The following GNG7 variants were observed in gnomAD, a reference collection of about 807,000 sequenced individuals.
The protein encoded by GNG7 is G protein subunit gamma 7.
In GNG7, 1 loss-of-function variant was observed where a neutral mutation model predicts 4.0. That is an observed-to-expected ratio of 0.25 (90% CI 0.09 to 1.18). GNG7 has a LOEUF of 1.18. GNG7 is among the 50% of genes most tolerant of loss of function. The pLI, the probability that GNG7 is intolerant of heterozygous loss-of-function variation, is 0.50. For synonymous variants in GNG7, 34 were observed against 36.9 expected (o/e 0.92, Z 0.29); for missense variants, 86 against 91.9 (o/e 0.94, Z 0.26).
chr19:2,626,240 G>T lies in GNG7; in HGVS notation c.-78+19984C>A, dbSNP rs1982018432. On this transcript the variant is annotated intron_variant, in intron 2 of 4. Coordinates refer to ENST00000382159, the MANE Select transcript of GNG7 (RefSeq NM_052847.3). The surrounding 1 kb of genome is among the most constrained non-coding windows in gnomAD (Gnocchi z 5.0). ...GAAGCTGATGCTGCTCCCGCCCCAG[G>T]CCTGAAGCCGGCCCCCTGCCCCAAA... 6.6e-6 allele frequency among the ~76,000 whole-genome samples: 1 copy of T among 152,132 alleles called. No homozygotes were observed. The highest frequency in any genetic ancestry group is 2.4e-5 in the African/African-American group (1 of 41,418).
rs748695415 is a variant in GNG7, at chr19:2,576,034, GACAC to G, written c.-77-20850_-77-20847del. 1.3e-4 allele frequency among the ~76,000 whole-genome samples: 10 copies of G among 75,666 alleles called. 1 individual carries two copies. Among genetic ancestry groups the G allele is most frequent in the African/African-American group, 4.3e-4 (3 of 6,906 alleles). 49.6% of individuals were successfully genotyped at this position (75,666 alleles called of 152,430 possible). Reference sequence around the variant, plus strand: ...ACGCAGACATGCAGACACACACACAGACACACACAGACACATGCTCACACTCAGG... The same window carrying G: ...ACGCAGACATGCAGACACACACACAGACACAGACACATGCTCACACTCAGG... On this transcript the variant is annotated intron_variant, in intron 2 of 4. Transcript: ENST00000382159.
chr19:2,689,480 G>A (rs567452475), intron 1 of GNG7, among the ~76,000 whole-genome samples: 34 of 151,482 alleles, frequency 2.2e-4, no homozygotes, highest in African/African-American at 6.1e-4. Context: ...AAAAATAGCC[G>A]GGTGTGGTGG....
chr19:2,562,277 TTTCTTTTTC>T (rs1979765743), intron 2 of GNG7, among the ~76,000 whole-genome samples: 3 of 79,370 alleles, frequency 3.8e-5, no homozygotes, highest in Non-Finnish European at 1.1e-4. Flanking sequence ...TTTTCTTTTC[TTTCTTTTTC>T]TTTCTTTTTT....
intron 3 of GNG7, among the ~76,000 whole-genome samples, chr19:2,531,641 G>A (rs1370784271): frequency 6.6e-6 from 1 of 151,446 alleles, no homozygotes; most frequent in Non-Finnish European, 1.5e-5. Context: ...CTTGGTGGCA[G>A]GCACCTGTAG....
chr19:2,607,231 AAG>A (rs1981413683), intron 2 of GNG7, among the ~76,000 whole-genome samples: 1 of 149,250 alleles, frequency 6.7e-6, no homozygotes, highest in Non-Finnish European at 1.5e-5. Context: ...AAAAAAAAAA[AAG>A]AAGGCCAGGT....
chr19:2,527,810 A>T (rs1422190821), intron 3 of GNG7, among the ~76,000 whole-genome samples: 1 of 146,974 alleles, frequency 6.8e-6, no homozygotes, highest in African/African-American at 2.5e-5. Flanking sequence ...AGTCATGACC[A>T]GCACAAATGT....
intron 1 of GNG7, among the ~76,000 whole-genome samples, chr19:2,671,443 T>C (rs1030479126): frequency 6.6e-6 from 1 of 152,048 alleles, no homozygotes; most frequent in African/African-American, 2.4e-5. Flanking sequence ...CAAGGTGACG[T>C]TGTCCGGCCT....
At chr19:2,522,141 G>C (rs917425948) in intron 3 of GNG7, among the ~76,000 whole-genome samples, 2 of 152,118 alleles carry the variant, frequency 1.3e-5, no homozygotes, top group South Asian at 2.1e-4. Flanking sequence ...GCAGGGAGTG[G>C]GTGGAGGCCA....
chr19:2,578,955 C>A (rs970877776), intron 2 of GNG7, among the ~76,000 whole-genome samples: 2 of 152,254 alleles, frequency 1.3e-5, no homozygotes, highest in African/African-American at 4.8e-5. Flanking sequence ...TGGAAAACCA[C>A]CAGCGTGGCC....
At position 2,557,451 on chromosome 19, in the gene GNG7, G is replaced by C. The variant is rs969013109; in HGVS notation, c.-77-2263C>G. On this transcript the variant is annotated intron_variant, in intron 2 of 4. Transcript: ENST00000382159. This position sits in a 1 kb window ranked among gnomAD's most constrained non-coding sequence, Gnocchi z 5.1. ...AAGGTCCTGCTAGTAAACATGCACA[G>C]ACTCAAGAAACGAGGGGCTGCAGGA... is the stretch of plus-strand genomic sequence containing the variant. Among the ~76,000 whole-genome samples, 1 of 152,234 alleles carries C rather than the reference G, an allele frequency of 6.6e-6. No individual in the cohort carries two copies. The highest frequency in any genetic ancestry group is 2.4e-5 in the African/African-American group (1 of 41,462).
intron 2 of GNG7, among the ~76,000 whole-genome samples, chr19:2,644,952 C>T (rs1982625909): frequency 6.6e-6 from 1 of 152,184 alleles, no homozygotes; most frequent in South Asian, 2.1e-4. Context: ...TTCTGAATTA[C>T]CTCTCATGAC....
intron 3 of GNG7, among the ~76,000 whole-genome samples, chr19:2,536,972 A>G (rs892505726): frequency 6.1e-5 from 9 of 148,436 alleles, no homozygotes; most frequent in Non-Finnish European, 1.3e-4. Context: ...TTTGAGACGG[A>G]GTCTCGCTCT....
At chr19:2,642,944 C>G in intron 2 of GNG7, 1 of 453,854 alleles carries the variant, frequency 2.2e-6, no homozygotes, top group Non-Finnish European at 4.4e-6. Flanking sequence ...CCGGGCTCTG[C>G]ACACCTTCTG....
At chr19:2,655,838 G>GAAAAAAAAAAAA (rs56041767) in intron 1 of GNG7, among the ~76,000 whole-genome samples, 3 of 54,756 alleles carry the variant, frequency 5.5e-5, no homozygotes, top group Non-Finnish European at 9.9e-5. Flanking sequence ...GGCTCCGTCT[G>GAAAAAAAAAAAA]AAAAAAAAAA....
intron 2 of GNG7, among the ~76,000 whole-genome samples, chr19:2,628,980 C>T (rs56812321): frequency 1.1e-4 from 16 of 152,144 alleles, no homozygotes; most frequent in Admixed American, 3.9e-4. Flanking sequence ...GGGCACCAGG[C>T]GGTGGGGGTC....
intron 2 of GNG7, among the ~76,000 whole-genome samples, chr19:2,607,758 G>A (rs1981436519): frequency 6.6e-6 from 1 of 152,016 alleles, no homozygotes; most frequent in Non-Finnish European, 1.5e-5. Flanking sequence ...CCTCCCAGTG[G>A]CGTCTCCGCT....
rs1168440316 is a variant in GNG7, at chr19:2,546,372, C to T, written c.-38+8777G>A. Among the ~76,000 whole-genome samples, 3 of 152,228 alleles carry T rather than the reference C, an allele frequency of 2.0e-5. No homozygotes were observed. Among genetic ancestry groups the T allele is most frequent in the East Asian group, 3.9e-4 (2 of 5,190 alleles). On this transcript the variant is annotated intron_variant, in intron 3 of 4. Transcript: ENST00000382159. This position sits in a 1 kb window ranked among gnomAD's most constrained non-coding sequence, Gnocchi z 6.3. ...GAGGGCGGCTGTGTGTGGGGCCTTCCGTGCCAGCTCTGACCGTTGGTGGCT... is the reference window on the plus strand; with the variant it reads ...GAGGGCGGCTGTGTGTGGGGCCTTCTGTGCCAGCTCTGACCGTTGGTGGCT...
chr19:2,526,911 T>A (rs1978420644), intron 3 of GNG7, among the ~76,000 whole-genome samples: 1 of 151,840 alleles, frequency 6.6e-6, no homozygotes, highest in African/African-American at 2.4e-5. Context: ...AGTGGCACAA[T>A]CTCGGCTCAC....
At chr19:2,622,393 A>C (rs1981900817) in intron 2 of GNG7, among the ~76,000 whole-genome samples, 1 of 152,230 alleles carries the variant, frequency 6.6e-6, no homozygotes, top group Admixed American at 6.5e-5. Context: ...GTGGTTTTTA[A>C]GCTTGCAAAG....
Sources: allele counts gnomAD v4.1 joint callset (sites outside exome capture counted in the v4.1 genomes callset), GRCh38; gene constraint gnomAD v4.1.1; non-coding constraint Gnocchi (gnomAD v3.1); transcripts MANE v1.5; gene names NCBI Gene and HGNC (gene_info 2026-07-23, HGNC 2026-07-21).